WNT7B: variants seen among roughly 807,000 people sequenced by gnomAD.
WNT7B encodes Wnt family member 7B, also known as protein Wnt-7b.
Under a neutral mutation model 38.2 loss-of-function variants are expected in WNT7B, and 19 were observed. The ratio of observed to expected loss-of-function variants is 0.50; its 90% CI spans 0.35 to 0.73. The LOEUF (loss-of-function observed/expected upper bound fraction) is 0.73. Ranked by LOEUF, WNT7B falls within the 30% of genes least tolerant of loss-of-function variation. The probability of loss-of-function intolerance (pLI) is 0.01; values close to 1 mark genes in which losing one functional copy is unlikely to be tolerated. For synonymous variants in WNT7B, 243 were observed against 209.3 expected, an observed-to-expected ratio of 1.16 and a Z score of -1.39; for missense variants, 423 against 507.9, an observed-to-expected ratio of 0.83 and a Z score of 1.61.
chr22:45,932,684 G>T (rs116990624), intron 2 of WNT7B, among the ~76,000 whole-genome samples: 1 of 152,114 alleles, frequency 6.6e-6, no homozygotes, highest in Non-Finnish European at 1.5e-5. Flanking sequence ...TGTCCCCAGC[G>T]CCTGGTCCAT....
chr22:45,955,924 C>T (rs953188347), intron 1 of WNT7B, among the ~76,000 whole-genome samples: 8 of 152,158 alleles, frequency 5.3e-5, no homozygotes, highest in Non-Finnish European at 1.2e-4. Flanking sequence ...AGCCGGCCCC[C>T]TGTACAAGGA....
Position 45,976,983 on chromosome 22 carries a change from G to T in WNT7B, c.-229C>A, listed in dbSNP as rs1487000203. ...CCCGGGGAATTGACCCAGGCTGGGG[G>T]CCGCGACCTCGAAGCCCGGTTGAGC... On this transcript the variant is annotated 5_prime_UTR_variant, in exon 1 of 4. Coordinates refer to ENST00000339464, the MANE Select transcript of WNT7B (RefSeq NM_058238.3). The surrounding 1 kb of genome is among the most constrained non-coding windows in gnomAD (Gnocchi z 8.5). 104 of 986,854 alleles carry T rather than the reference G, an allele frequency of 1.1e-4. No homozygotes were observed. The highest frequency in any genetic ancestry group is 1.3e-4 in the Non-Finnish European group (104 of 831,414). The allele number at this position is 986,854 out of a possible 1,614,324, so 61.1% of individuals were successfully genotyped here.
chr22:45,936,037 G>A, intron 2 of WNT7B: 2 of 985,406 alleles, frequency 2.0e-6, no homozygotes, highest in South Asian at 4.7e-5. Context: ...GCATCCAGCA[G>A]TATCCCTAGA....
chr22:45,927,587 A>G lies in WNT7B; in HGVS notation c.570+3511T>C, dbSNP rs1200188817. On this transcript the variant is annotated intron_variant, in intron 3 of 3. Coordinates refer to ENST00000339464, the MANE Select transcript of WNT7B (RefSeq NM_058238.3). ...GTCCAAGTAGGCCCTAAATCCAATG[A>G]GAGTGTCCATATAAGAGATGGAACA... 4.8e-6 allele frequency: 5 copies of G among 1,036,490 alleles called. No individual in the cohort carries two copies. The Admixed American group carries it at 6.0e-5, about 12-fold the overall frequency. The allele number at this position is 1,036,490 out of a possible 1,614,324, so 64.2% of individuals were successfully genotyped here.
chr22:45,930,902 C>G (rs979413008), intron 3 of WNT7B, among the ~76,000 whole-genome samples, 196 bp downstream of exon 3: 4 of 152,192 alleles, frequency 2.6e-5, no homozygotes, highest in South Asian at 2.1e-4. Context: ...GCTCTCACAT[C>G]TCTGGATGGG....
At chr22:45,926,243 G>A (rs1438620161) in intron 3 of WNT7B, 13 of 985,278 alleles carry the variant, frequency 1.3e-5, no homozygotes, top group Non-Finnish European at 1.6e-5. Flanking sequence ...AACAGCAATG[G>A]TGGTGCCAGC....
chr22:45,932,809 C>A (rs1240378240), intron 2 of WNT7B, among the ~76,000 whole-genome samples: 1 of 152,216 alleles, frequency 6.6e-6, no homozygotes, highest in Non-Finnish European at 1.5e-5. Context: ...GTGCTCAGCC[C>A]AGGAGAGGGC....
chr22:45,948,079 C>T (rs527749593), intron 2 of WNT7B, among the ~76,000 whole-genome samples: 2 of 152,342 alleles, frequency 1.3e-5, no homozygotes, highest in Admixed American at 6.5e-5. Context: ...CCTGGCGCAG[C>T]GAGGCAGCAA....
intron 2 of WNT7B, among the ~76,000 whole-genome samples, chr22:45,936,540 A>G (rs945049704): frequency 6.6e-6 from 1 of 152,238 alleles, no homozygotes; most frequent in Non-Finnish European, 1.5e-5. Context: ...TGGGTCAGAA[A>G]TTGCCTGGCC....
chr22:45,948,733 TC>T (rs1569118872), intron 2 of WNT7B, among the ~76,000 whole-genome samples: 1 of 149,966 alleles, frequency 6.7e-6, no homozygotes, highest in Non-Finnish European at 1.5e-5. Context: ...GGAGCTCACA[TC>T]ACCAGTGGGG....
rs924061115 is a variant in WNT7B, at chr22:45,931,177, C to A, written c.491G>T (p.Arg164Leu). 6.3e-7 allele frequency: 1 copy of A among 1,599,500 alleles called. No homozygotes were observed. The highest frequency in any genetic ancestry group is 8.5e-7 in the Non-Finnish European group (1 of 1,179,622). ...GATCTCCCGAGCGTCCACGAAGCGCCGGGAGAAGTCGATGCCGTAACGCAC... is the reference window on the plus strand; with the variant it reads ...GATCTCCCGAGCGTCCACGAAGCGCAGGGAGAAGTCGATGCCGTAACGCAC... ...ADVRYGIDFS[R>L]RFVDAREIKK... Residue 164 changes from arginine (R) to leucine (L), a missense_variant, in exon 3 of 4, where the codon CGG becomes CTG. Arg to Leu is a moderately radical substitution (Grantham distance 102). Transcript: ENST00000339464.
rs960421919 is a variant in WNT7B at position 45,925,954 on chromosome 22, C to A, written c.571-2619G>T. 5 of 985,184 alleles carry A rather than the reference C, an allele frequency of 5.1e-6. No individual in the cohort carries two copies. The African/African-American group carries it at 8.7e-5, about 17-fold the overall frequency. 61.0% of individuals were successfully genotyped at this position (985,184 alleles called of 1,614,324 possible). A position where few individuals can be genotyped will look rare whatever the true frequency, so the allele number is the denominator to read the frequency against. On this transcript the variant is annotated intron_variant, in intron 3 of 3. Coordinates refer to ENST00000339464, the MANE Select transcript of WNT7B (RefSeq NM_058238.3). ...CAGGATGGCTGCCCCTGGTACTGTG[C>A]CCTGTATCCCTCCCCCTCCTCCCTC... is the stretch of plus-strand genomic sequence containing the variant.
At chr22:45,964,320 T>TCC (rs1416365896) in intron 1 of WNT7B, among the ~76,000 whole-genome samples, 2 of 151,958 alleles carry the variant, frequency 1.3e-5, no homozygotes, top group African/African-American at 4.8e-5. Context: ...TGCGACTCCA[T>TCC]CCCCAGGGCA....
At chr22:45,941,000 T>G (rs186735106) in intron 2 of WNT7B, among the ~76,000 whole-genome samples, 1 of 152,208 alleles carries the variant, frequency 6.6e-6, no homozygotes, top group East Asian at 1.9e-4. Flanking sequence ...ACCTTGGACT[T>G]TGTTCTGAAA....
At chr22:45,972,116 G>GGGGGGCCCCCCCCCCCCCCCCC in intron 1 of WNT7B, 4 of 530,740 alleles carry the variant, frequency 7.5e-6, no homozygotes, top group African/African-American at 2.1e-5. Context: ...CCCGGGGGGA[G>GGGGGGCCCCCCCCCCCCCCCCC]CCCACCCGCC....
chr22:45,939,643 ACACACT>A (rs1432870624), intron 2 of WNT7B, among the ~76,000 whole-genome samples: 60 of 144,332 alleles, frequency 4.2e-4, no homozygotes, highest in African/African-American at 1.2e-3. Context: ...ACACACACAC[ACACACT>A]CACACACACA....
Position 45,975,027 on chromosome 22 carries a change from G to A in WNT7B, c.71+1657C>T, listed in dbSNP as rs1223519479. ...GGGCTGCTTTCCGATGACTGAGGCA[G>A]AAGAATGGACGCTAGGAACAGCAGC... On this transcript the variant is annotated intron_variant, in intron 1 of 3. Coordinates refer to ENST00000339464, the MANE Select transcript of WNT7B (RefSeq NM_058238.3). This position sits in a 1 kb window ranked among gnomAD's most constrained non-coding sequence, Gnocchi z 6.6. Among the ~76,000 whole-genome samples the A allele has an allele frequency of 6.6e-6, 1 of 152,142 alleles. No individual in the cohort carries two copies. The highest frequency in any genetic ancestry group is 1.5e-5 in the Non-Finnish European group (1 of 68,008).
chr22:45,976,764 A>G lies in WNT7B; in HGVS notation c.-10T>C. 1 of 1,603,852 alleles carries G rather than the reference A, an allele frequency of 6.2e-7. No homozygotes were observed. The highest frequency in any genetic ancestry group is 8.5e-7 in the Non-Finnish European group (1 of 1,174,232). ...GAAAGTTTCTGTGCATGATCCAGGG[A>G]GGGGGGCTGCGCCATAGACAGCGGC... On this transcript the variant is annotated 5_prime_UTR_variant, in exon 1 of 4. Transcript: ENST00000339464. This position sits in a 1 kb window ranked among gnomAD's most constrained non-coding sequence, Gnocchi z 8.5.
intron 2 of WNT7B, among the ~76,000 whole-genome samples, chr22:45,931,665 G>C (rs549425746): frequency 1.3e-5 from 2 of 152,168 alleles, no homozygotes; most frequent in African/African-American, 2.4e-5. Flanking sequence ...CAGTGCTGCC[G>C]ACAGCTTCTC....
Sources: gnomAD v4.1 joint callset for allele counts (sites outside exome capture counted in the v4.1 genomes callset) on GRCh38, gnomAD v4.1.1 for gene constraint, Gnocchi (gnomAD v3.1) non-coding constraint, MANE v1.5 for transcripts, NCBI Gene and HGNC (gene_info 2026-07-23, HGNC 2026-07-21) for gene names.